Variants in NR3C1 observed in about 807,000 individuals in gnomAD.
The protein encoded by NR3C1 is nuclear receptor subfamily 3 group C member 1, also known as glucocorticoid receptor.
Under a neutral mutation model 74.0 loss-of-function variants are expected in NR3C1, and 14 were observed. The ratio of observed to expected loss-of-function variants is 0.19; its 90% CI spans 0.12 to 0.30. NR3C1 has a LOEUF of 0.30. Among genes scored for constraint, NR3C1 ranks in the 10% least tolerant of loss-of-function variants. The pLI is 1.00. For missense variants in NR3C1, 695 were observed against 909.8 expected (o/e 0.76, Z 3.04); for synonymous variants, 308 against 332.5 (o/e 0.93, Z 0.80).
intron 1 of NR3C1, among the ~76,000 whole-genome samples, chr5:143,433,468 A>ATATATATATAATTTATT (rs1751966270): frequency 1.8e-4 from 7 of 38,328 alleles, no homozygotes; most frequent in South Asian, 8.6e-4. Context: ...ATATATATAT[A>ATATATATATAATTTATT]TATTTAATTT....
chr5:143,383,597 C>G (rs775260774), intron 2 of NR3C1, among the ~76,000 whole-genome samples: 2 of 152,106 alleles, frequency 1.3e-5, no homozygotes, highest in Non-Finnish European at 2.9e-5. Context: ...ATGGCCTGGA[C>G]TACATAAAGG....
intron 4 of NR3C1, among the ~76,000 whole-genome samples, chr5:143,307,526 A>C (rs911535052): frequency 6.6e-6 from 1 of 152,212 alleles, no homozygotes; most frequent in Non-Finnish European, 1.5e-5. Context: ...CAAAGATCTT[A>C]AACTTTATAT....
intron 2 of NR3C1, among the ~76,000 whole-genome samples, chr5:143,316,473 A>G (rs1822098125): frequency 6.6e-6 from 1 of 152,206 alleles, no homozygotes; most frequent in Non-Finnish European, 1.5e-5. Flanking sequence ...AATAGTTTGT[A>G]GTACTTCGTA....
intron 1 of NR3C1, among the ~76,000 whole-genome samples, chr5:143,430,603 A>T (rs1361967000): frequency 1.3e-5 from 2 of 152,190 alleles, no homozygotes; most frequent in African/African-American, 4.8e-5. Flanking sequence ...GCCCTTATGA[A>T]AGAGTCTCGG....
intron 4 of NR3C1, among the ~76,000 whole-genome samples, chr5:143,304,992 G>T (rs1006698170): frequency 1.3e-5 from 2 of 152,110 alleles, no homozygotes; most frequent in African/African-American, 4.8e-5. Context: ...CCTTGGGAAA[G>T]AATTTATGAC....
intron 2 of NR3C1, among the ~76,000 whole-genome samples, chr5:143,337,045 A>G (rs1294029127): frequency 6.6e-6 from 1 of 152,160 alleles, no homozygotes; most frequent in African/African-American, 2.4e-5. Context: ...ACACACACAT[A>G]TATATCTCCT....
At chr5:143,305,158 T>A (rs746782297) in intron 4 of NR3C1, among the ~76,000 whole-genome samples, 53 of 152,056 alleles carry the variant, frequency 3.5e-4, no homozygotes, top group Non-Finnish European at 6.8e-4. Context: ...AGAGTTTATA[T>A]GGAACTTAAA....
Position 143,400,824 on chromosome 5 carries a change from A to C in NR3C1, c.16T>G (p.Ser6Ala). Residue 6 changes from serine (S) to alanine (A), a missense_variant, in exon 2 of 9, where the codon TCA becomes GCA. Around this residue, in one of 4 missense-constraint regions of NR3C1, gnomAD observed 497 missense variants for 489.5 expected, o/e 1.02. Transcript: ENST00000394464. MDSKE[S>A]LTPGREENPS... ...TTTTCTTCTCTACCAGGAGTTAATGATTCTTTGGAGTCCATCAGTGAATAT... is the reference window on the plus strand; with the variant it reads ...TTTTCTTCTCTACCAGGAGTTAATGCTTCTTTGGAGTCCATCAGTGAATAT... 1.2e-6 allele frequency: 2 copies of C among 1,613,866 alleles called. No homozygotes were observed. Among genetic ancestry groups the C allele is most frequent in the Non-Finnish European group, 1.7e-6 (2 of 1,179,992 alleles).
chr5:143,301,038 G>C (rs1217444508), intron 4 of NR3C1, among the ~76,000 whole-genome samples: 1 of 151,988 alleles, frequency 6.6e-6, no homozygotes, highest in Non-Finnish European at 1.5e-5. Flanking sequence ...ATAACGGTAT[G>C]TTAAAACAAT....
intron 7 of NR3C1, among the ~76,000 whole-genome samples, chr5:143,288,358 A>ATCTGCC (rs1159557946): frequency 2.6e-5 from 4 of 151,736 alleles, no homozygotes; most frequent in Non-Finnish European, 4.4e-5. Flanking sequence ...TGACTTGATG[A>ATCTGCC]TCTGCCCACC....
At chr5:143,367,006 C>T (rs1219129479) in intron 2 of NR3C1, among the ~76,000 whole-genome samples, 1 of 152,096 alleles carries the variant, frequency 6.6e-6, no homozygotes, top group Non-Finnish European at 1.5e-5. Context: ...TAAATGCAAG[C>T]ATCCTCAACA....
chr5:143,387,908 A>AT (rs1837541615), intron 2 of NR3C1, among the ~76,000 whole-genome samples: 1 of 152,208 alleles, frequency 6.6e-6, no homozygotes, highest in South Asian at 2.1e-4. Context: ...GAGGAAACCG[A>AT]TTTCTTGCCT....
In NR3C1 at chr5:143,302,253, T is replaced by C. The variant is rs77610096; in HGVS notation, c.1469-1490A>G. Among the ~76,000 whole-genome samples, 499 of 152,254 alleles carry C rather than the reference T, an allele frequency of 3.3e-3. 2 individuals are homozygous for C. Among genetic ancestry groups the C allele is most frequent in the African/African-American group, 0.012 (486 of 41,562 alleles). On this transcript the variant is annotated intron_variant, in intron 4 of 8. Coordinates refer to ENST00000394464, the MANE Select transcript of NR3C1 (RefSeq NM_000176.3). ...AGTTCCTGGCATATATTATAGTAAGTACCACATAACAACTATCATTACCTC... is the reference window on the plus strand; with the variant it reads ...AGTTCCTGGCATATATTATAGTAAGCACCACATAACAACTATCATTACCTC...
At chr5:143,312,597 G>T (rs2151614020) in intron 3 of NR3C1, among the ~76,000 whole-genome samples, 1 of 152,310 alleles carries the variant, frequency 6.6e-6, no homozygotes, top group South Asian at 2.1e-4. Context: ...CAGGTATTAA[G>T]AATGGAGTGC....
intron 1 of NR3C1, among the ~76,000 whole-genome samples, chr5:143,409,889 A>C (rs1841236460): frequency 6.6e-6 from 1 of 152,206 alleles, no homozygotes; most frequent in African/African-American, 2.4e-5. Flanking sequence ...ATTTCATCAT[A>C]AGCAACCTAA....
rs1839917064 is a variant in NR3C1 at position 143,399,822 on chromosome 5, A to C, written c.1018T>G (p.Ser340Ala). The part of the protein sequence containing the change: ...QMYHYDMNTA[S>A]LSQQQDQKPI... ...TTCTGATCCTGCTGTTGAGAAAGGG[A>C]TGCTGTATTCATGTCATAGTGGTAC... Residue 340 changes from serine to alanine, a missense_variant, in exon 2 of 9, where the codon TCC becomes GCC. Ser to Ala is a moderately conservative substitution (Grantham distance 99). Transcript: ENST00000394464. 10 of 1,614,200 alleles carry C rather than the reference A, an allele frequency of 6.2e-6. No homozygotes were observed. Among genetic ancestry groups the C allele is most frequent in the Non-Finnish European group, 8.5e-6 (10 of 1,180,018 alleles).
chr5:143,356,081 T>C (rs1188872623), intron 2 of NR3C1, among the ~76,000 whole-genome samples: 1 of 152,226 alleles, frequency 6.6e-6, no homozygotes, highest in Non-Finnish European at 1.5e-5. Context: ...CTGTTTTTAA[T>C]ATTGCTCCAA....
intron 2 of NR3C1, among the ~76,000 whole-genome samples, chr5:143,336,990 C>CATACAT (rs1213666777): frequency 6.6e-6 from 1 of 151,946 alleles, no homozygotes; most frequent in Non-Finnish European, 1.5e-5. Flanking sequence ...AAAATACATA[C>CATACAT]ATACATATAC....
intron 1 of NR3C1, among the ~76,000 whole-genome samples, chr5:143,422,004 T>C (rs1751261716): frequency 6.6e-6 from 1 of 152,144 alleles, no homozygotes; most frequent in Non-Finnish European, 1.5e-5. Flanking sequence ...TGAAGTGGTG[T>C]TCACTGCTTC....
Sources: gnomAD v4.1 joint callset for allele counts (sites outside exome capture counted in the v4.1 genomes callset) on GRCh38, gnomAD v4.1.1 for gene constraint, gnomAD v4.1.1 regional missense constraint, MANE v1.5 for transcripts, NCBI Gene and HGNC (gene_info 2026-07-23, HGNC 2026-07-21) for gene names.